ADGRE1: variants seen among roughly 807,000 people sequenced by gnomAD.
ADGRE1 encodes the protein EGF-like module receptor 1.
In ADGRE1, 82 loss-of-function variants were observed where a neutral mutation model predicts 102.7. The observed-to-expected ratio is 0.80, with a 90% CI of 0.67 to 0.96. ADGRE1 has a LOEUF of 0.96. Ranked by LOEUF, ADGRE1 falls within the 40% of genes least tolerant of loss-of-function variation. The pLI, the probability that ADGRE1 is intolerant of heterozygous loss-of-function variation, is 0.00. For synonymous variants in ADGRE1, 398 were observed against 399.6 expected (o/e 1.00, Z 0.05); for missense variants, 1,032 against 1,085.3 (o/e 0.95, Z 0.69).
chr19:6,904,317 TC>T, intron 8 of ADGRE1, 135 bp downstream of exon 8: 1 of 1,168,322 alleles, frequency 8.6e-7, no homozygotes, highest in Non-Finnish European at 1.2e-6. Flanking sequence ...TTCTTCTTCA[TC>T]CATTTACTCT....
At chr19:6,938,674 G>C (rs1975539169) in intron 20 of ADGRE1, among the ~76,000 whole-genome samples, 1 of 151,828 alleles carries the variant, frequency 6.6e-6, no homozygotes, top group Non-Finnish European at 1.5e-5. Flanking sequence ...AGATGAACCA[G>C]TATGCAATGG....
intron 20 of ADGRE1, among the ~76,000 whole-genome samples, chr19:6,938,472 G>C (rs914961229): frequency 1.3e-5 from 2 of 150,490 alleles, no homozygotes; most frequent in Non-Finnish European, 2.9e-5. Flanking sequence ...GCAAATGGAG[G>C]CAAAGCTGGT....
At chr19:6,934,026 A>G (rs1185403059) in intron 17 of ADGRE1, among the ~76,000 whole-genome samples, 1 of 152,210 alleles carries the variant, frequency 6.6e-6, no homozygotes, top group African/African-American at 2.4e-5. Flanking sequence ...GAGAACAAGC[A>G]AAGGCTGTTT....
In ADGRE1 at chr19:6,926,505, AG is replaced by A. The variant is rs771154738; in HGVS notation, c.2127del (p.Met710CysfsTer17). ...AATTACTTCAGCTCTCGCAACATCAAGATGCTGCACATCTGTGCCTTTGGTT... is the reference window on the plus strand; with the variant it reads ...AATTACTTCAGCTCTCGCAACATCAAATGCTGCACATCTGTGCCTTTGGTT... Reference protein sequence around the residue: ...VVNYFSSRNIKMLHICAFGYG... With the variant: ...VVNYFSSRNIXMLHICAFGYG... On this transcript the variant is annotated frameshift_variant, in exon 16 of 21. Transcript: ENST00000312053. LOFTEE classifies it high-confidence loss of function. 1.1e-5 allele frequency: 18 copies of A among 1,614,244 alleles called. No individual in the cohort carries two copies. The African/African-American group carries it at 1.7e-4, about 16-fold the overall frequency.
At position 6,908,677 on chromosome 19, in the gene ADGRE1, T is replaced by TTC. The variant is rs398120770; in HGVS notation, c.1039-12_1039-11insTC. ...CTCACAAATGCTCTTTTTTTTTTTT[T>TTC]CTGGGACGCAGGTCTCCTTTTGTGC... On this transcript the variant is annotated splice_polypyrimidine_tract_variant and intron_variant, in intron 9 of 20. Transcript: ENST00000312053. The TTC allele has an allele frequency of 6.3e-7, 1 of 1,579,418 alleles. No homozygotes were observed. The highest frequency in any genetic ancestry group is 2.3e-5 in the East Asian group (1 of 44,406).
chr19:6,925,967 G>A (rs1974889087), intron 15 of ADGRE1, among the ~76,000 whole-genome samples: 1 of 152,014 alleles, frequency 6.6e-6, no homozygotes, highest in Admixed American at 6.6e-5. Flanking sequence ...CAAAGTGCTG[G>A]GATTACAAGC....
chr19:6,925,082 A>G (rs534934478), intron 15 of ADGRE1, among the ~76,000 whole-genome samples: 1 of 152,228 alleles, frequency 6.6e-6, no homozygotes, highest in Admixed American at 6.5e-5. Flanking sequence ...TGATCGTGTT[A>G]TGAATTATAG....
rs751063392 is a variant in ADGRE1, at chr19:6,897,444, C to A, written c.411C>A (p.Leu137=). 3 of 1,596,076 alleles carry A rather than the reference C, an allele frequency of 1.9e-6. No homozygotes were observed. Among genetic ancestry groups the A allele is most frequent in the Non-Finnish European group, 2.6e-6 (3 of 1,171,242 alleles). Residue 137 remains leucine, a synonymous_variant, in exon 5 of 21, where the codon CTC becomes CTA. Coordinates refer to ENST00000312053, the MANE Select transcript of ADGRE1 (RefSeq NM_001974.5). The part of the protein sequence containing the change: ...NFSCTDINEC[L]TSSVCPEHSD... ...GCTTCTCAGATATCAATGAGTGCCT[C>A]ACCAGCAGCGTCTGCCCTGAGCATT...
intron 13 of ADGRE1, among the ~76,000 whole-genome samples, 174 bp downstream of exon 13, chr19:6,919,921 C>T (rs1974570783): frequency 6.6e-6 from 1 of 152,170 alleles, no homozygotes; most frequent in African/African-American, 2.4e-5. Context: ...AGGTCTCCCA[C>T]TGTCACCAAA....
chr19:6,926,220 C>A (rs1599759149), intron 15 of ADGRE1, 146 bp from the exon 16 acceptor site: 2 of 850,152 alleles, frequency 2.4e-6, no homozygotes, highest in East Asian at 5.3e-5. Flanking sequence ...TGGTCAAGAA[C>A]CACTGCACCT....
chr19:6,897,288 C>T lies in ADGRE1; in HGVS notation c.378C>T (p.Gly126=), dbSNP rs149027775. ...TGNDWVPGKP[G]NFSCTDINEC... ...ATGACTGGGTCCCAGGAAAGCCGGG[C>T]AATTTCTCCTGTACTGGTAATGCTC... The change falls in exon 4 of 21, where the codon GGC becomes GGT. Residue 126 remains glycine, a synonymous_variant. Coordinates refer to ENST00000312053, the MANE Select transcript of ADGRE1 (RefSeq NM_001974.5). The T allele has an allele frequency of 1.9e-6, 3 of 1,613,868 alleles. No homozygotes were observed. The Admixed American group carries it at 5.0e-5, about 27-fold the overall frequency.
At chr19:6,921,297 C>T (rs1051533096) in intron 13 of ADGRE1, among the ~76,000 whole-genome samples, 9 of 152,134 alleles carry the variant, frequency 5.9e-5, no homozygotes, top group Non-Finnish European at 1.0e-4. Context: ...TGGCGGGCAC[C>T]TGTAATCCCA....
chr19:6,907,505 A>G (rs764998972), intron 9 of ADGRE1, among the ~76,000 whole-genome samples: 4 of 151,898 alleles, frequency 2.6e-5, no homozygotes, highest in Non-Finnish European at 5.9e-5. Context: ...ATGCCTGGCT[A>G]ATTTTTGTGT....
intron 17 of ADGRE1, among the ~76,000 whole-genome samples, chr19:6,929,095 A>G (rs144030970): frequency 2.0e-5 from 3 of 152,170 alleles, no homozygotes; most frequent in Non-Finnish European, 2.9e-5. Flanking sequence ...GCACAGGTCC[A>G]TGAGTCTCTC....
intron 17 of ADGRE1, among the ~76,000 whole-genome samples, chr19:6,929,549 G>A (rs147324806): frequency 5.0e-4 from 76 of 151,582 alleles, no homozygotes; most frequent in African/African-American, 1.8e-3. Flanking sequence ...TTTAGACGGA[G>A]TCTCACTCTG....
At chr19:6,897,852 T>C (rs1973620120) in intron 5 of ADGRE1, 1 of 201,706 alleles carries the variant, frequency 5.0e-6, no homozygotes, top group Non-Finnish European at 9.9e-6. Flanking sequence ...AAGGTTAATA[T>C]TGATATTTGA....
At chr19:6,906,272 T>C (rs1271438801) in intron 8 of ADGRE1, among the ~76,000 whole-genome samples, 161 bp from the exon 9 acceptor site, 1 of 152,178 alleles carries the variant, frequency 6.6e-6, no homozygotes, top group Non-Finnish European at 1.5e-5. Flanking sequence ...ACGTCCTTCA[T>C]GTTGTAGTGT....
At chr19:6,904,235 G>A in intron 8 of ADGRE1, 53 bp downstream of exon 8, 1 of 1,595,234 alleles carries the variant, frequency 6.3e-7, no homozygotes, top group Non-Finnish European at 8.5e-7. Context: ...GGCTTTGGTT[G>A]GAAAATTCTC....
At chr19:6,909,028 G>A (rs1974075965) in intron 10 of ADGRE1, among the ~76,000 whole-genome samples, 1 of 151,856 alleles carries the variant, frequency 6.6e-6, no homozygotes, top group African/African-American at 2.4e-5. Context: ...CAGCTACTCA[G>A]GAGGCTGAAG....
Sources: allele counts gnomAD v4.1 joint callset (sites outside exome capture counted in the v4.1 genomes callset), GRCh38; gene constraint gnomAD v4.1.1; transcripts MANE v1.5; gene names NCBI Gene and HGNC (gene_info 2026-07-23, HGNC 2026-07-21).